ZPLD1: variants seen among roughly 807,000 people sequenced by gnomAD.
ZPLD1 encodes zona pellucida like domain containing 1.
ZPLD1 carries 34 observed loss-of-function variants against 47.2 expected under a neutral mutation model. The ratio of observed to expected loss-of-function variants is 0.72; its 90% CI spans 0.55 to 0.96. The LOEUF is 0.96. Ranked by LOEUF, ZPLD1 falls within the 40% of genes least tolerant of loss-of-function variation. The pLI is 0.00. For synonymous variants in ZPLD1, 176 were observed against 186.2 expected (o/e 0.95, Z 0.45); for missense variants, 512 against 505.8 (o/e 1.01, Z -0.12).
chr3:102,424,644 GC>G (rs5851306), intron 8 of ZPLD1, among the ~76,000 whole-genome samples: 8,413 of 152,112 alleles, frequency 0.055, 786 homozygotes, highest in African/African-American at 0.19. Context: ...TAAACTGGTA[GC>G]TTTTATACTT....
At chr3:102,438,704 G>A (rs943321546) in intron 3 of ZPLD1, 111 bp downstream of exon 3, 1 of 695,678 alleles carries the variant, frequency 1.4e-6, no homozygotes, top group Non-Finnish European at 2.3e-6. Context: ...TTTACATTAA[G>A]TGGATATTAA....
chr3:102,398,620 A>G (rs1362594120), intron 7 of ZPLD1, among the ~76,000 whole-genome samples: 1 of 152,144 alleles, frequency 6.6e-6, no homozygotes, highest in Non-Finnish European at 1.5e-5. Flanking sequence ...CATAATATCC[A>G]GGGTTCTTCC....
At chr3:102,454,003 A>G (rs1213300664) in intron 4 of ZPLD1, among the ~76,000 whole-genome samples, 1 of 152,190 alleles carries the variant, frequency 6.6e-6, no homozygotes, top group Non-Finnish European at 1.5e-5. Context: ...AAATTTGCAA[A>G]TATAAAAAGG....
At chr3:102,428,987 C>T (rs185373872) in intron 8 of ZPLD1, among the ~76,000 whole-genome samples, 1 of 152,176 alleles carries the variant, frequency 6.6e-6, no homozygotes, top group East Asian at 1.9e-4. Context: ...TATGCCTGGG[C>T]TTAAGTGATA....
upstream of ZPLD1, among the ~76,000 whole-genome samples, chr3:102,430,558 T>A (rs922957785): frequency 6.6e-6 from 1 of 152,146 alleles, no homozygotes; most frequent in African/African-American, 2.4e-5. Context: ...GTGAAATAAA[T>A]AATTAATTAA....
intron 7 of ZPLD1, among the ~76,000 whole-genome samples, chr3:102,397,839 C>A (rs556133615): frequency 6.6e-6 from 1 of 152,230 alleles, no homozygotes; most frequent in African/African-American, 2.4e-5. Flanking sequence ...TAGTCTAGGC[C>A]GCTGCCTTCA....
intron 7 of ZPLD1, among the ~76,000 whole-genome samples, chr3:102,409,328 A>G (rs546662446): frequency 1.3e-5 from 2 of 151,910 alleles, no homozygotes; most frequent in East Asian, 3.9e-4. Flanking sequence ...AGATAATGGC[A>G]TTAATCTATT....
At chr3:102,409,829 T>C (rs1198547274) in intron 7 of ZPLD1, among the ~76,000 whole-genome samples, 1 of 151,790 alleles carries the variant, frequency 6.6e-6, no homozygotes, top group African/African-American at 2.4e-5. Context: ...GTCAAATAAA[T>C]CTTCACAAAT....
At chr3:102,427,876 AT>A (rs956844895) in intron 8 of ZPLD1, among the ~76,000 whole-genome samples, 2 of 151,534 alleles carry the variant, frequency 1.3e-5, no homozygotes, top group Middle Eastern at 3.4e-3. Flanking sequence ...GTGGTAAAGC[AT>A]TTTTTTTTCT....
chr3:102,412,875 A>C (rs765867315), intron 7 of ZPLD1, among the ~76,000 whole-genome samples: 1 of 151,608 alleles, frequency 6.6e-6, no homozygotes, highest in Admixed American at 6.6e-5. Flanking sequence ...GAGAGACACT[A>C]TAAGACTATG....
At chr3:102,418,812 G>T (rs1411158717) in intron 8 of ZPLD1, among the ~76,000 whole-genome samples, 2 of 151,982 alleles carry the variant, frequency 1.3e-5, no homozygotes, top group African/African-American at 4.8e-5. Context: ...TTATTCTAAT[G>T]ATTGGCCTAG....
chr3:102,406,386 T>A (rs1706685337), intron 7 of ZPLD1, among the ~76,000 whole-genome samples: 1 of 151,924 alleles, frequency 6.6e-6, no homozygotes, highest in Non-Finnish European at 1.5e-5. Flanking sequence ...TTCTCAACTC[T>A]TGTTTACCAG....
chr3:102,395,643 T>A (rs2107287653), intron 7 of ZPLD1, among the ~76,000 whole-genome samples: 1 of 152,300 alleles, frequency 6.6e-6, no homozygotes, highest in South Asian at 2.1e-4. Flanking sequence ...TTTGTGTTGT[T>A]TTAAGCTACG....
intron 8 of ZPLD1, among the ~76,000 whole-genome samples, chr3:102,468,564 G>A (rs1707633097): frequency 6.6e-6 from 1 of 152,144 alleles, no homozygotes. Context: ...ATTTGTTTAA[G>A]GAGGGAGGAC....
At chr3:102,458,628 A>G (rs1707456467) in intron 6 of ZPLD1, among the ~76,000 whole-genome samples, 1 of 152,188 alleles carries the variant, frequency 6.6e-6, no homozygotes. Flanking sequence ...AGTGCTTTAT[A>G]CTTTGAATAT....
chr3:102,450,270 A>C (rs1310228261), intron 3 of ZPLD1, among the ~76,000 whole-genome samples: 1 of 152,188 alleles, frequency 6.6e-6, no homozygotes, highest in Non-Finnish European at 1.5e-5. Context: ...TTTACATATA[A>C]TAAGATGTGC....
At chr3:102,412,503 T>C (rs75227913) in intron 7 of ZPLD1, among the ~76,000 whole-genome samples, 1 of 151,870 alleles carries the variant, frequency 6.6e-6, no homozygotes, top group East Asian at 1.9e-4. Flanking sequence ...ATTATAAGAA[T>C]GATTGAAGGA....
At chr3:102,455,814 A>G (rs560733155) in intron 4 of ZPLD1, among the ~76,000 whole-genome samples, 1 of 152,318 alleles carries the variant, frequency 6.6e-6, no homozygotes, top group South Asian at 2.1e-4. Context: ...CAGCATTATC[A>G]TCAAGAGTTG....
chr3:102,406,908 C>T (rs536645084), intron 7 of ZPLD1, among the ~76,000 whole-genome samples: 4 of 151,824 alleles, frequency 2.6e-5, no homozygotes, highest in Non-Finnish European at 4.4e-5. Flanking sequence ...TTGAACATAT[C>T]GTGCAAATGT....
Sources: gnomAD v4.1 joint callset for allele counts (sites outside exome capture counted in the v4.1 genomes callset) on GRCh38, gnomAD v4.1.1 for gene constraint, MANE v1.5 for transcripts, NCBI Gene and HGNC (gene_info 2026-07-23, HGNC 2026-07-21) for gene names.